EYS: variants seen among roughly 807,000 people sequenced by gnomAD.
The protein encoded by EYS is EGF-like photoreceptor maintenance factor, also known as protein eyes shut homolog.
A neutral mutation model predicts 282.1 loss-of-function variants in EYS; 250 were observed. That is an observed-to-expected ratio of 0.89 (90% confidence interval 0.80 to 0.98). The LOEUF (loss-of-function observed/expected upper bound fraction) is 0.98. Ranked by LOEUF, EYS falls within the 50% of genes least tolerant of loss-of-function variation. EYS has a pLI of 0.00. For missense variants in EYS, 4,016 were observed against 3,709.0 expected, an observed-to-expected ratio of 1.08 and a Z score of -2.15; for synonymous variants, 1,355 against 1,282.9, an observed-to-expected ratio of 1.06 and a Z score of -1.20.
intron 12 of EYS, among the ~76,000 whole-genome samples, chr6:65,124,370 C>T (rs1000692): frequency 0.24 from 35,997 of 151,738 alleles, 5,421 homozygotes; most frequent in East Asian, 0.41. Context: ...TACACTGAAG[C>T]GAGAATGTGA....
intron 35 of EYS, among the ~76,000 whole-genome samples, chr6:63,891,717 A>G (rs569947298): frequency 3.3e-5 from 5 of 152,124 alleles, no homozygotes; most frequent in Non-Finnish European, 7.4e-5. Context: ...TCTACATACT[A>G]TTGGAAGTTC....
chr6:65,274,077 T>A (rs1296908080), intron 12 of EYS, among the ~76,000 whole-genome samples: 1 of 151,934 alleles, frequency 6.6e-6, no homozygotes, highest in African/African-American at 2.4e-5. Context: ...GCCCAGTGAG[T>A]CCCCAGACAC....
intron 35 of EYS, among the ~76,000 whole-genome samples, chr6:63,973,032 T>TA (rs1397997109): frequency 7.9e-5 from 12 of 152,194 alleles, no homozygotes; most frequent in African/African-American, 2.9e-4. Flanking sequence ...GCATGATTTA[T>TA]AATCATGCTA....
chr6:63,752,471 A>G (rs1769361694), intron 41 of EYS, among the ~76,000 whole-genome samples: 1 of 151,154 alleles, frequency 6.6e-6, no homozygotes, highest in Non-Finnish European at 1.5e-5. Context: ...ATTGTCCTCC[A>G]AGATAACATA....
At chr6:64,581,787 C>T (rs990948685) in intron 26 of EYS, among the ~76,000 whole-genome samples, 1 of 152,028 alleles carries the variant, frequency 6.6e-6, no homozygotes, top group African/African-American at 2.4e-5. Flanking sequence ...CCCCTGAAGC[C>T]CACACTGGAT....
chr6:65,509,615 T>G (rs571778215), intron 2 of EYS, among the ~76,000 whole-genome samples: 1 of 152,340 alleles, frequency 6.6e-6, no homozygotes, highest in South Asian at 2.1e-4. Flanking sequence ...ATGAAAACTC[T>G]ATGCTAGGCA....
intron 5 of EYS, among the ~76,000 whole-genome samples, chr6:65,437,364 A>G (rs1161047679): frequency 6.6e-6 from 1 of 152,176 alleles, no homozygotes; most frequent in Non-Finnish European, 1.5e-5. Context: ...TTGCAAATTC[A>G]TGCATGAACA....
At position 63,721,477 on chromosome 6, in the gene EYS, T is replaced by C. The variant is rs1211935825; in HGVS notation, c.8554A>G (p.Ile2852Val). ...VGFQGCIRQV[I>V]INNQELQLTE... ...AATTGTAATTCTTGATTATTTATGA[T>C]AACTTGTCGGATACAGCCTTGAAAA... Residue 2852 changes from isoleucine (I) to valine (V), a missense_variant, in exon 43 of 43, where the codon ATC becomes GTC. Transcript: ENST00000503581. 4.5e-6 allele frequency: 7 copies of C among 1,551,560 alleles called. No homozygotes were observed. The highest frequency in any genetic ancestry group is 5.2e-6 in the Non-Finnish European group (6 of 1,146,838).
chr6:63,981,974 T>C (rs993807212), intron 35 of EYS, among the ~76,000 whole-genome samples: 1 of 151,898 alleles, frequency 6.6e-6, no homozygotes, highest in African/African-American at 2.4e-5. Flanking sequence ...GGACTGCTTA[T>C]ATATACATCC....
chr6:63,833,495 C>T (rs1378063975), intron 36 of EYS, among the ~76,000 whole-genome samples: 1 of 152,156 alleles, frequency 6.6e-6, no homozygotes, highest in African/African-American at 2.4e-5. Context: ...AGGAATCCAA[C>T]TTACAAGGGA....
chr6:65,613,877 G>T (rs1766090470), intron 2 of EYS, among the ~76,000 whole-genome samples: 1 of 151,666 alleles, frequency 6.6e-6, no homozygotes, highest in African/African-American at 2.4e-5. Flanking sequence ...TTTTTCATAT[G>T]GATGGTTTAT....
intron 2 of EYS, among the ~76,000 whole-genome samples, chr6:65,623,013 C>G (rs1245004583): frequency 6.6e-6 from 1 of 152,188 alleles, no homozygotes; most frequent in Non-Finnish European, 1.5e-5. Flanking sequence ...CCACTTCAGA[C>G]TCCCAAAGTA....
chr6:64,829,412 G>C (rs1765151491), intron 19 of EYS, among the ~76,000 whole-genome samples: 1 of 151,926 alleles, frequency 6.6e-6, no homozygotes, highest in Non-Finnish European at 1.5e-5. Context: ...TCCAGGAACA[G>C]AGACCATAGC....
At chr6:63,827,765 AC>A (rs1484415242) in intron 36 of EYS, among the ~76,000 whole-genome samples, 1 of 150,050 alleles carries the variant, frequency 6.7e-6, no homozygotes, top group East Asian at 2.0e-4. Flanking sequence ...AATGGCGTGA[AC>A]CCGGGAAGCG....
chr6:65,626,964 TTTTCTTTC>T (rs149983337), intron 2 of EYS, among the ~76,000 whole-genome samples: 1 of 151,564 alleles, frequency 6.6e-6, no homozygotes, highest in Non-Finnish European at 1.5e-5. Context: ...TCAGGTTTTC[TTTTCTTTC>T]TTTCTTTCCT....
intron 22 of EYS, among the ~76,000 whole-genome samples, chr6:64,792,469 C>CT (rs1774221190): frequency 6.6e-6 from 1 of 151,868 alleles, no homozygotes; most frequent in African/African-American, 2.4e-5. Context: ...CAAAATTATA[C>CT]GTGCTGTGAC....
intron 6 of EYS, among the ~76,000 whole-genome samples, chr6:65,404,085 G>A (rs1304227669): frequency 6.6e-6 from 1 of 152,070 alleles, no homozygotes; most frequent in Admixed American, 6.6e-5. Flanking sequence ...TGTCCCTTCT[G>A]TAGGCTCTAC....
At chr6:65,620,372 T>C (rs1457597390) in intron 2 of EYS, among the ~76,000 whole-genome samples, 1 of 152,186 alleles carries the variant, frequency 6.6e-6, no homozygotes, top group East Asian at 1.9e-4. Context: ...CTGATGGTAG[T>C]TTGTATTTGT....
chr6:63,780,463 C>T (rs963417885), intron 39 of EYS, among the ~76,000 whole-genome samples: 36 of 152,148 alleles, frequency 2.4e-4, no homozygotes, highest in African/African-American at 8.7e-4. Context: ...GATGGTATCT[C>T]ATTGTGGTTT....
Sources: gnomAD v4.1 joint callset for allele counts (sites outside exome capture counted in the v4.1 genomes callset) on GRCh38, gnomAD v4.1.1 for gene constraint, MANE v1.5 for transcripts, NCBI Gene and HGNC (gene_info 2026-07-23, HGNC 2026-07-21) for gene names.